The following TARS3 variants were observed in gnomAD, a reference collection of about 807,000 sequenced individuals.
TARS3 encodes threonine--tRNA ligase 2, cytoplasmic.
TARS3 carries 94 observed loss-of-function variants against 103.5 expected under a neutral mutation model. The observed-to-expected ratio is 0.91, with a 90% CI of 0.77 to 1.08. The LOEUF is 1.08. Ranked by LOEUF, TARS3 falls within the 50% of genes least tolerant of loss-of-function variation. The probability of loss-of-function intolerance (pLI) is 0.00; values close to 1 mark genes in which losing one functional copy is unlikely to be tolerated. For synonymous variants in TARS3, 416 were observed against 355.4 expected, an observed-to-expected ratio of 1.17 and a Z score of -1.92; for missense variants, 952 against 995.2, an observed-to-expected ratio of 0.96 and a Z score of 0.58.
rs1031648100 is a variant in TARS3 at position 101,706,086 on chromosome 15, G to C, written c.931-339C>G. On this transcript the variant is annotated intron_variant, in intron 6 of 18. Coordinates refer to ENST00000335968, the MANE Select transcript of TARS3 (RefSeq NM_152334.3). ...TCAAGCGATTCTGCCTCAGCCTCCC[G>C]TGTAGCTGGAATTACAGGCATGTAC... Among the ~76,000 whole-genome samples the C allele has an allele frequency of 2.0e-5, 3 of 152,116 alleles. No individual in the cohort carries two copies. In the South Asian group the frequency reaches 6.2e-4, roughly 31 times the overall value.
chr15:101,723,187 C>T lies in TARS3; in HGVS notation c.298-23G>A, dbSNP rs760005903. On this transcript the variant is annotated intron_variant, in intron 1 of 18. Transcript: ENST00000335968. ...AGGCTGAAAGATAAATTATAAATGA[C>T]TCACATCAATGGCAAGAAAAAGCAA... 9 of 1,603,390 alleles carry T rather than the reference C, an allele frequency of 5.6e-6. No homozygotes were observed. In the East Asian group the frequency reaches 2.0e-4, roughly 36 times the overall value.
intron 12 of TARS3, 67 bp downstream of exon 12, chr15:101,684,008 A>C: frequency 6.8e-7 from 1 of 1,469,944 alleles, no homozygotes; most frequent in Non-Finnish European, 9.2e-7. Flanking sequence ...CTGAAAGAAT[A>C]CAAGATGTGT....
At chr15:101,655,738 C>T (rs1897177708) in intron 18 of TARS3, 8 of 1,021,848 alleles carry the variant, frequency 7.8e-6, no homozygotes, top group Non-Finnish European at 7.6e-6. Context: ...CTCACACTGA[C>T]CCCACCTGGC....
intron 10 of TARS3, 142 bp downstream of exon 10, chr15:101,700,944 T>C: frequency 5.2e-6 from 3 of 572,932 alleles, no homozygotes; most frequent in Non-Finnish European, 8.9e-6. Context: ...GTCTGGCCAG[T>C]ATCTCACTTT....
chr15:101,701,796 G>A (rs566372706), intron 9 of TARS3, among the ~76,000 whole-genome samples: 3 of 151,096 alleles, frequency 2.0e-5, no homozygotes, highest in African/African-American at 7.3e-5. Flanking sequence ...TTTTTTTTGA[G>A]ACTGAGTCTC....
At chr15:101,703,348 G>T (rs1416715406) in intron 8 of TARS3, among the ~76,000 whole-genome samples, 2 of 152,166 alleles carry the variant, frequency 1.3e-5, no homozygotes, top group African/African-American at 2.4e-5. Flanking sequence ...CCAGCACTTC[G>T]GGAGGCTGAG....
chr15:101,675,827 A>G, intron 12 of TARS3, 90 bp from the exon 13 acceptor site: 1 of 1,406,016 alleles, frequency 7.1e-7, no homozygotes, highest in South Asian at 1.4e-5. Context: ...ACAGAAATAA[A>G]GCATGTTTTT....
At chr15:101,658,962 T>C (rs1303121174) in intron 16 of TARS3, among the ~76,000 whole-genome samples, 1 of 152,132 alleles carries the variant, frequency 6.6e-6, no homozygotes, top group Non-Finnish European at 1.5e-5. Context: ...CAGCTAATTT[T>C]TGTATTTTCA....
chr15:101,656,890 C>A, intron 18 of TARS3, 32 bp downstream of exon 18: 1 of 1,412,938 alleles, frequency 7.1e-7, no homozygotes, highest in Non-Finnish European at 9.8e-7. Flanking sequence ...GAAAAAAAAG[C>A]ATTTGGAAAA....
chr15:101,659,043 C>T (rs1293783073), intron 16 of TARS3, among the ~76,000 whole-genome samples: 3 of 152,190 alleles, frequency 2.0e-5, no homozygotes, highest in Non-Finnish European at 2.9e-5. Context: ...CCACCCACCT[C>T]GGCCTCCCAA....
At chr15:101,668,044 C>T (rs1342195439) in intron 15 of TARS3, among the ~76,000 whole-genome samples, 1 of 152,254 alleles carries the variant, frequency 6.6e-6, no homozygotes, top group Non-Finnish European at 1.5e-5. Context: ...ACTTTCTCCA[C>T]ATCAGCAAGA....
rs191791319 is a variant in TARS3 at position 101,687,024 on chromosome 15, G to A, written c.1321-962C>T. On this transcript the variant is annotated intron_variant, in intron 10 of 18. Transcript: ENST00000335968. ...AATGTTGTCTGTTATTCTTCAGCAGGGCATCCTGGCAGTCCACGGTAGACA... is the reference window on the plus strand; with the variant it reads ...AATGTTGTCTGTTATTCTTCAGCAGAGCATCCTGGCAGTCCACGGTAGACA... 9.9e-5 allele frequency among the ~76,000 whole-genome samples: 15 copies of A among 152,074 alleles called. No individual in the cohort carries two copies. The East Asian group carries it at 2.3e-3, about 24-fold the overall frequency.
rs540709072 is a variant in TARS3, at chr15:101,681,447, A to C, written c.1650+2628T>G. 1.2e-4 allele frequency among the ~76,000 whole-genome samples: 18 copies of C among 152,326 alleles called. No individual in the cohort carries two copies. In the South Asian group the frequency reaches 3.5e-3, roughly 30 times the overall value. ...ATTTATTTAGGCCTTCTTTAAATTT[A>C]TCTCAGCAATGTTTTAAAGTTTTCA... On this transcript the variant is annotated intron_variant, in intron 12 of 18. Coordinates refer to ENST00000335968, the MANE Select transcript of TARS3 (RefSeq NM_152334.3).
intron 4 of TARS3, 124 bp from the exon 5 acceptor site, chr15:101,712,125 T>C (rs1044890124): frequency 1.0e-5 from 11 of 1,069,108 alleles, no homozygotes; most frequent in African/African-American, 1.6e-5. Context: ...GGCAGCAACA[T>C]CAACTTGAAA....
chr15:101,663,784 T>A (rs533883513), intron 15 of TARS3, among the ~76,000 whole-genome samples: 156 of 152,334 alleles, frequency 1.0e-3, no homozygotes, highest in Non-Finnish European at 1.8e-3. Context: ...GTATTTGTAA[T>A]CCCAGAATAA....
At chr15:101,661,894 G>C (rs558800231) in intron 15 of TARS3, 78 bp from the exon 16 acceptor site, 133 of 898,684 alleles carry the variant, frequency 1.5e-4, no homozygotes, top group Non-Finnish European at 1.9e-4. Context: ...TTAATTTTGA[G>C]AATAGATTTA....
chr15:101,696,371 T>C (rs1898982029), intron 10 of TARS3, among the ~76,000 whole-genome samples: 1 of 152,154 alleles, frequency 6.6e-6, no homozygotes, highest in Non-Finnish European at 1.5e-5. Context: ...TTTTTAGTCT[T>C]TCTATGATGG....
At chr15:101,691,167 C>T (rs1244818949) in intron 10 of TARS3, among the ~76,000 whole-genome samples, 1 of 151,802 alleles carries the variant, frequency 6.6e-6, no homozygotes, top group East Asian at 1.9e-4. Flanking sequence ...TCTTGATCTC[C>T]TGACCTCATG....
chr15:101,705,838 A>G, intron 6 of TARS3, 91 bp from the exon 7 acceptor site: 1 of 1,072,582 alleles, frequency 9.3e-7, no homozygotes, highest in Admixed American at 2.0e-5. Context: ...TTGAAAGGTC[A>G]TCTACTGATG....
Sources: allele counts gnomAD v4.1 joint callset (sites outside exome capture counted in the v4.1 genomes callset), GRCh38; gene constraint gnomAD v4.1.1; transcripts MANE v1.5; gene names NCBI Gene and HGNC (gene_info 2026-07-23, HGNC 2026-07-21).